The following CCDC85A variants were observed in gnomAD, a reference collection of about 807,000 sequenced individuals.
The protein encoded by CCDC85A is coiled-coil domain-containing protein 85A.
CCDC85A carries 38 observed loss-of-function variants against 50.2 expected under a neutral mutation model. The observed-to-expected ratio is 0.76, with a 90% CI of 0.58 to 0.99. The LOEUF is 0.99. CCDC85A is among the 50% of genes least tolerant of loss of function. The pLI is 0.00. For missense variants in CCDC85A, 820 were observed against 742.0 expected, an observed-to-expected ratio of 1.11 and a Z score of -1.22; for synonymous variants, 366 against 301.4, an observed-to-expected ratio of 1.21 and a Z score of -2.22.
chr2:56,338,075 G>C (rs12233052), intron 2 of CCDC85A, among the ~76,000 whole-genome samples: 26,450 of 152,068 alleles, frequency 0.17, 2,610 homozygotes, highest in African/African-American at 0.24. Context: ...GAGCCACCTA[G>C]CCAGCTCCTT....
intron 5 of CCDC85A, among the ~76,000 whole-genome samples, chr2:56,377,843 G>C (rs1331511383): frequency 2.6e-5 from 4 of 151,062 alleles, no homozygotes; most frequent in Non-Finnish European, 5.9e-5. Context: ...AGCCGAGATC[G>C]TGCCATTGCA....
At chr2:56,227,942 C>A (rs576265306) in intron 2 of CCDC85A, among the ~76,000 whole-genome samples, 1 of 152,306 alleles carries the variant, frequency 6.6e-6, no homozygotes, top group South Asian at 2.1e-4. Context: ...TAGTACTTAT[C>A]ACTCTGTTGT....
At chr2:56,245,168 A>T (rs1669445967) in intron 2 of CCDC85A, among the ~76,000 whole-genome samples, 2 of 152,184 alleles carry the variant, frequency 1.3e-5, no homozygotes, top group Non-Finnish European at 2.9e-5. Flanking sequence ...CTTGTGGTTT[A>T]GACAGCCTTT....
intron 2 of CCDC85A, among the ~76,000 whole-genome samples, chr2:56,337,747 C>T (rs1413852848): frequency 6.6e-6 from 1 of 151,828 alleles, no homozygotes; most frequent in East Asian, 1.9e-4. Flanking sequence ...TTTATTTTCT[C>T]CCAACTGCTT....
At chr2:56,316,579 GA>G (rs1263679892) in intron 2 of CCDC85A, among the ~76,000 whole-genome samples, 1 of 151,962 alleles carries the variant, frequency 6.6e-6, no homozygotes, top group East Asian at 1.9e-4. Flanking sequence ...CTTAGTACTC[GA>G]AAAAACTCAC....
At chr2:56,217,788 A>G (rs572825932) in intron 2 of CCDC85A, among the ~76,000 whole-genome samples, 1 of 151,866 alleles carries the variant, frequency 6.6e-6, no homozygotes, top group Non-Finnish European at 1.5e-5. Flanking sequence ...CATATGATGT[A>G]GTTATTATAT....
At chr2:56,341,888 T>C (rs1012412618) in intron 2 of CCDC85A, among the ~76,000 whole-genome samples, 1 of 152,204 alleles carries the variant, frequency 6.6e-6, no homozygotes, top group Admixed American at 6.5e-5. Context: ...TGTCAATGTC[T>C]GTAAGTTTGT....
intron 1 of CCDC85A, among the ~76,000 whole-genome samples, chr2:56,190,895 AT>A (rs1277243262): frequency 5.9e-5 from 9 of 152,220 alleles, no homozygotes; most frequent in African/African-American, 2.2e-4. Flanking sequence ...AAAAGGAATC[AT>A]GTAATGTCAC....
intron 2 of CCDC85A, among the ~76,000 whole-genome samples, chr2:56,340,739 G>A (rs548431079): frequency 4.6e-5 from 7 of 152,030 alleles, no homozygotes; most frequent in Non-Finnish European, 1.0e-4. Flanking sequence ...AGCCAGGCGT[G>A]GTGGCACATG....
intron 2 of CCDC85A, among the ~76,000 whole-genome samples, chr2:56,259,907 A>T (rs1309643255): frequency 6.6e-6 from 1 of 152,216 alleles, no homozygotes; most frequent in Non-Finnish European, 1.5e-5. Flanking sequence ...GGCCAGGTTG[A>T]TAGCTGGATC....
chr2:56,309,236 A>G (rs1672581904), intron 2 of CCDC85A, among the ~76,000 whole-genome samples: 1 of 152,136 alleles, frequency 6.6e-6, no homozygotes, highest in South Asian at 2.1e-4. Context: ...ATGATATGAG[A>G]CCTTTCTGTG....
At position 56,328,695 on chromosome 2, in the gene CCDC85A, T is replaced by C. The variant is rs558179404; in HGVS notation, c.1241-14184T>C. Among the ~76,000 whole-genome samples, 234 of 152,288 alleles carry C rather than the reference T, an allele frequency of 1.5e-3. 1 individual carries two copies. Among genetic ancestry groups the C allele is most frequent in the African/African-American group, 5.3e-3 (221 of 41,570 alleles). ...ATGATATTCGTTCATGCCAAAAATA[T>C]AGCGATGATCTTTGATTTCTTTTTT... On this transcript the variant is annotated intron_variant, in intron 2 of 5. Transcript: ENST00000407595.
chr2:56,340,428 T>C (rs1474470349), intron 2 of CCDC85A, among the ~76,000 whole-genome samples: 1 of 152,184 alleles, frequency 6.6e-6, no homozygotes, highest in Non-Finnish European at 1.5e-5. Flanking sequence ...CTGAGGAGGT[T>C]GTTCTGCTTC....
At chr2:56,265,734 G>GAGGT (rs1304849115) in intron 2 of CCDC85A, among the ~76,000 whole-genome samples, 3 of 152,268 alleles carry the variant, frequency 2.0e-5, no homozygotes, top group Non-Finnish European at 4.4e-5. Context: ...AAACAGTGTG[G>GAGGT]AGGTGCCTCA....
At chr2:56,346,682 T>G (rs925943975) in intron 3 of CCDC85A, among the ~76,000 whole-genome samples, 1 of 152,218 alleles carries the variant, frequency 6.6e-6, no homozygotes, top group African/African-American at 2.4e-5. Flanking sequence ...ATGTGCTAGT[T>G]ATTATTATTG....
intron 2 of CCDC85A, among the ~76,000 whole-genome samples, chr2:56,305,786 T>C (rs1672416960): frequency 6.6e-6 from 1 of 152,240 alleles, no homozygotes; most frequent in Non-Finnish European, 1.5e-5. Flanking sequence ...CACATTGGCT[T>C]TGATTAATTG....
At chr2:56,343,550 A>C (rs1354329608) in intron 3 of CCDC85A, among the ~76,000 whole-genome samples, 1 of 152,210 alleles carries the variant, frequency 6.6e-6, no homozygotes, top group Admixed American at 6.5e-5. Context: ...TTCACTTATA[A>C]AATTCTTTCC....
chr2:56,237,853 G>A (rs772609692), intron 2 of CCDC85A, among the ~76,000 whole-genome samples: 9 of 151,948 alleles, frequency 5.9e-5, no homozygotes, highest in Non-Finnish European at 1.2e-4. Flanking sequence ...ATGCCTATTC[G>A]GAATGGTCTA....
At position 56,299,177 on chromosome 2, in the gene CCDC85A, A is replaced by G. The variant is rs1487077174; in HGVS notation, c.1241-43702A>G. ...TGGAAGAGTAAAGGCTACACAGGAA[A>G]TCCTCAGCTCCTGGCCTAGTGCACT... On this transcript the variant is annotated intron_variant, in intron 2 of 5. Transcript: ENST00000407595. 3.9e-5 allele frequency among the ~76,000 whole-genome samples: 6 copies of G among 152,124 alleles called. No individual in the cohort carries two copies. The East Asian group carries it at 1.2e-3, about 29-fold the overall frequency.
Sources: allele counts gnomAD v4.1 joint callset (sites outside exome capture counted in the v4.1 genomes callset), GRCh38; gene constraint gnomAD v4.1.1; transcripts MANE v1.5; gene names NCBI Gene and HGNC (gene_info 2026-07-23, HGNC 2026-07-21).